PPME1: variants seen among roughly 807,000 people sequenced by gnomAD.
PPME1 encodes the protein testicular secretory protein Li 39.
In PPME1, 17 loss-of-function variants were observed where a neutral mutation model predicts 56.9. The ratio of observed to expected loss-of-function variants is 0.30; its 90% CI spans 0.20 to 0.45. The LOEUF is 0.45. PPME1 is among the 20% of genes least tolerant of loss of function. PPME1 has a pLI of 1.00. For missense variants in PPME1, 357 were observed against 483.2 expected, an observed-to-expected ratio of 0.74 and a Z score of 2.45; for synonymous variants, 122 against 156.2, an observed-to-expected ratio of 0.78 and a Z score of 1.63.
chr11:74,192,746 C>T (rs1412726115), intron 1 of PPME1, among the ~76,000 whole-genome samples: 1 of 152,046 alleles, frequency 6.6e-6, no homozygotes, highest in Non-Finnish European at 1.5e-5. Context: ...GGCACCTCCC[C>T]CTTCTCTTGC....
At chr11:74,228,432 C>G (rs60227409) in intron 5 of PPME1, among the ~76,000 whole-genome samples, 2,707 of 152,172 alleles carry the variant, frequency 0.018, 77 homozygotes, top group African/African-American at 0.062. Context: ...CTACCCTATG[C>G]CAAGGGGAGA....
chr11:74,201,750 T>A (rs1305522229), intron 1 of PPME1, among the ~76,000 whole-genome samples: 1 of 152,242 alleles, frequency 6.6e-6, no homozygotes, highest in East Asian at 1.9e-4. Flanking sequence ...GTGAATATTA[T>A]GTACTATTAC....
At chr11:74,231,897 C>T (rs1859077280) in intron 7 of PPME1, among the ~76,000 whole-genome samples, 1 of 152,168 alleles carries the variant, frequency 6.6e-6, no homozygotes, top group African/African-American at 2.4e-5. Context: ...TGAATTTATT[C>T]ATTAATTCAG....
At chr11:74,232,598 T>G (rs914912973) in intron 7 of PPME1, among the ~76,000 whole-genome samples, 2 of 152,128 alleles carry the variant, frequency 1.3e-5, no homozygotes, top group Non-Finnish European at 2.9e-5. Context: ...CCTGCCTGCT[T>G]CCGCAGTAAC....
At chr11:74,199,773 C>G (rs1858099407) in intron 1 of PPME1, among the ~76,000 whole-genome samples, 1 of 152,150 alleles carries the variant, frequency 6.6e-6, no homozygotes, top group African/African-American at 2.4e-5. Flanking sequence ...GGGGAGGCAT[C>G]ACAATCATGG....
chr11:74,250,950 C>G lies in PPME1; in HGVS notation c.1010-4C>G, dbSNP rs371935961. 2.4e-5 allele frequency: 39 copies of G among 1,595,806 alleles called. No homozygotes were observed. The highest frequency in any genetic ancestry group is 3.1e-5 in the Non-Finnish European group (36 of 1,170,772). On this transcript the variant is annotated splice_polypyrimidine_tract_variant and splice_region_variant and intron_variant, in intron 11 of 13. Transcript: ENST00000328257. ...GAAGTTGCCTTGCTTTGATTCCTCTCCAGGGAAGTTCCAGATGCAGGTCCT... is the reference window on the plus strand; with the variant it reads ...GAAGTTGCCTTGCTTTGATTCCTCTGCAGGGAAGTTCCAGATGCAGGTCCT...
intron 9 of PPME1, among the ~76,000 whole-genome samples, chr11:74,240,256 T>G (rs1434768878): frequency 2.0e-5 from 3 of 152,204 alleles, no homozygotes. Flanking sequence ...TATGGTCCTT[T>G]GCTAGTCATC....
chr11:74,189,290 C>T (rs962254676), intron 1 of PPME1, among the ~76,000 whole-genome samples: 3 of 151,902 alleles, frequency 2.0e-5, no homozygotes, highest in East Asian at 1.9e-4. Context: ...TATTGCTTTA[C>T]TTATTTATTT....
Position 74,171,505 on chromosome 11 carries a change from A to G in PPME1, c.84A>G (p.Gly28=). The change falls in exon 1 of 14, where the codon GGA becomes GGG. Residue 28 remains glycine (G), a synonymous_variant. Coordinates refer to ENST00000328257, the MANE Select transcript of PPME1 (RefSeq NM_016147.3). The part of the protein sequence containing the change: ...PLPGSGGSQS[G]AKMRMGPGRK... ...CCGGCAGCGGGGGCAGTCAGAGCGG[A>G]GCCAAGATGCGAATGGGGTACGTGA... The G allele has an allele frequency of 6.2e-7, 1 of 1,612,912 alleles. No homozygotes were observed. Among genetic ancestry groups the G allele is most frequent in the Non-Finnish European group, 8.5e-7 (1 of 1,179,616 alleles).
chr11:74,172,677 T>C lies in PPME1; in HGVS notation c.101+1155T>C, dbSNP rs866191175. ...AGTAATTGCTGGAAAGTGGAGAGAA[T>C]TGAATAGGCATTTGGTTTTGAGGGG... On this transcript the variant is annotated intron_variant, in intron 1 of 13. Coordinates refer to ENST00000328257, the MANE Select transcript of PPME1 (RefSeq NM_016147.3). Among the ~76,000 whole-genome samples the C allele has an allele frequency of 1.6e-4, 24 of 152,226 alleles. 1 individual carries two copies. The highest frequency in any genetic ancestry group is 6.8e-3 in the Middle Eastern group (2 of 294).
At chr11:74,209,313 G>C (rs1239809257) in intron 3 of PPME1, among the ~76,000 whole-genome samples, 1 of 152,048 alleles carries the variant, frequency 6.6e-6, no homozygotes, top group East Asian at 1.9e-4. Flanking sequence ...ATATTGCCCA[G>C]GTTGGTCTTG....
chr11:74,188,220 G>A (rs1365281083), intron 1 of PPME1, among the ~76,000 whole-genome samples: 2 of 138,284 alleles, frequency 1.4e-5, no homozygotes, highest in Non-Finnish European at 3.0e-5. Flanking sequence ...ATGGAGTCTC[G>A]CTCTCACCCA....
intron 3 of PPME1, among the ~76,000 whole-genome samples, chr11:74,208,435 T>C (rs532627008): frequency 6.6e-6 from 1 of 152,250 alleles, no homozygotes; most frequent in African/African-American, 2.4e-5. Context: ...GAATTAAACA[T>C]ATGTTCCATC....
At chr11:74,199,667 A>G (rs759589775) in intron 1 of PPME1, among the ~76,000 whole-genome samples, 2 of 152,212 alleles carry the variant, frequency 1.3e-5, no homozygotes, top group Admixed American at 6.5e-5. Context: ...AAATGTAACT[A>G]TATTAGTCTG....
chr11:74,190,067 A>G (rs1857793416), intron 1 of PPME1, among the ~76,000 whole-genome samples: 1 of 152,256 alleles, frequency 6.6e-6, no homozygotes, highest in Non-Finnish European at 1.5e-5. Context: ...AAATGATGTC[A>G]GTTTATAAAA....
At chr11:74,213,361 C>T (rs1441188907) in intron 3 of PPME1, among the ~76,000 whole-genome samples, 2 of 152,202 alleles carry the variant, frequency 1.3e-5, no homozygotes, top group African/African-American at 4.8e-5. Flanking sequence ...ATTCCAAGCC[C>T]TGGCTCCTGG....
At chr11:74,239,406 T>A (rs1859288418) in intron 9 of PPME1, 150 bp downstream of exon 9, 1 of 1,301,784 alleles carries the variant, frequency 7.7e-7, no homozygotes, top group African/African-American at 1.5e-5. Context: ...TTAGCTTAAC[T>A]ATAAGATGTA....
At chr11:74,206,406 T>G (rs1456145759) in intron 3 of PPME1, among the ~76,000 whole-genome samples, 1 of 152,206 alleles carries the variant, frequency 6.6e-6, no homozygotes, top group East Asian at 1.9e-4. Context: ...CATATTCACT[T>G]CTGGATCTGA....
intron 1 of PPME1, among the ~76,000 whole-genome samples, chr11:74,201,775 A>C (rs1413148699): frequency 6.6e-6 from 1 of 152,226 alleles, no homozygotes; most frequent in Non-Finnish European, 1.5e-5. Context: ...ATGATATCCT[A>C]GGTCCAGATA....
Sources: allele counts gnomAD v4.1 joint callset (sites outside exome capture counted in the v4.1 genomes callset), GRCh38; gene constraint gnomAD v4.1.1; transcripts MANE v1.5; gene names NCBI Gene and HGNC (gene_info 2026-07-23, HGNC 2026-07-21).